Variants in ZC3H18 observed in about 807,000 individuals in gnomAD.
ZC3H18 encodes zinc finger CCCH-type containing 18.
ZC3H18 carries 8 observed loss-of-function variants against 106.1 expected under a neutral mutation model. The observed-to-expected ratio is 0.08, with a 90% CI of 0.04 to 0.14. The LOEUF is 0.14. Among genes scored for constraint, ZC3H18 ranks in the 10% least tolerant of loss-of-function variants. The pLI is 1.00. For missense variants in ZC3H18, 1,318 were observed against 1,278.4 expected (o/e 1.03, Z -0.47); for synonymous variants, 635 against 522.1 (o/e 1.22, Z -2.95).
intron 7 of ZC3H18, 84 bp from the exon 8 acceptor site, chr16:88,611,184 G>A (rs766998481): frequency 1.6e-4 from 109 of 697,450 alleles, no homozygotes; most frequent in Middle Eastern, 7.4e-4. Flanking sequence ...CAGACAGATC[G>A]CGTGGTGTTG....
At chr16:88,619,039 G>A (rs1422234802) in intron 8 of ZC3H18, among the ~76,000 whole-genome samples, 1 of 152,188 alleles carries the variant, frequency 6.6e-6, no homozygotes, top group Non-Finnish European at 1.5e-5. Flanking sequence ...GTCCCCTGGG[G>A]TGACATTCTT....
At chr16:88,628,964 G>A (rs1906495276) in intron 16 of ZC3H18, 110 bp downstream of exon 16, 1 of 1,076,082 alleles carries the variant, frequency 9.3e-7, no homozygotes, top group Non-Finnish European at 1.4e-6. Flanking sequence ...AGGGTCCAGA[G>A]AACATCTGAC....
intron 13 of ZC3H18, chr16:88,625,838 ATTT>A (rs1175357328): frequency 7.7e-5 from 8 of 104,456 alleles, no homozygotes; most frequent in African/African-American, 1.2e-4. Context: ...ACAGAAAAAG[ATTT>A]TTTTTTTTTT....
chr16:88,601,166 T>TA (rs1269621078), intron 6 of ZC3H18, among the ~76,000 whole-genome samples: 1 of 152,188 alleles, frequency 6.6e-6, no homozygotes, highest in Non-Finnish European at 1.5e-5. Context: ...GGTGAGAGCT[T>TA]AGAGGTTAAA....
At chr16:88,580,642 C>G (rs1915068724) in intron 2 of ZC3H18, among the ~76,000 whole-genome samples, 1 of 152,180 alleles carries the variant, frequency 6.6e-6, no homozygotes, top group Non-Finnish European at 1.5e-5. Context: ...GCCTCTTTCT[C>G]AGAGGCCCTG....
intron 2 of ZC3H18, among the ~76,000 whole-genome samples, chr16:88,582,512 T>C (rs940941250): frequency 2.0e-5 from 3 of 152,186 alleles, no homozygotes; most frequent in Admixed American, 2.0e-4. Flanking sequence ...AGAAGATTCT[T>C]CAGCGAGCCT....
At chr16:88,628,577 G>T (rs776200995) in intron 15 of ZC3H18, 181 bp from the exon 16 acceptor site, 43 of 632,626 alleles carry the variant, frequency 6.8e-5, no homozygotes, top group Non-Finnish European at 1.2e-4. Flanking sequence ...CAAGTGCACA[G>T]TGGGGGTGCC....
In ZC3H18 at chr16:88,598,601, C is replaced by G. The variant is rs1181577939; in HGVS notation, c.838-19C>G. Reference sequence around the variant, plus strand: ...GAAAGTTTTACTTTCTCACCTTCTCCCTTCTCGTTTTTCAATAGGGTGGGC... The same window carrying G: ...GAAAGTTTTACTTTCTCACCTTCTCGCTTCTCGTTTTTCAATAGGGTGGGC... On this transcript the variant is annotated intron_variant, in intron 4 of 17. Transcript: ENST00000301011. 1 of 1,598,302 alleles carries G rather than the reference C, an allele frequency of 6.3e-7. No individual in the cohort carries two copies. Among genetic ancestry groups the G allele is most frequent in the East Asian group, 2.3e-5 (1 of 44,410 alleles).
Position 88,607,909 on chromosome 16 carries a change from C to G in ZC3H18, c.1089-1025C>G, listed in dbSNP as rs116419654. Among the ~76,000 whole-genome samples, 210 of 152,356 alleles carry G rather than the reference C, an allele frequency of 1.4e-3. 2 individuals carry two copies. The highest frequency in any genetic ancestry group is 4.9e-3 in the African/African-American group (203 of 41,586). On this transcript the variant is annotated intron_variant, in intron 6 of 17. Coordinates refer to ENST00000301011, the MANE Select transcript of ZC3H18 (RefSeq NM_144604.4). ...TCTCAGGAATCAGCTCTGCACATTT[C>G]TGGTGAAATGTGTTGATATTTTATT...
intron 2 of ZC3H18, among the ~76,000 whole-genome samples, chr16:88,583,087 G>A (rs1182825041): frequency 2.0e-5 from 3 of 152,262 alleles, no homozygotes; most frequent in Non-Finnish European, 4.4e-5. Flanking sequence ...GGTTGGGCCC[G>A]GGGCCCGGCT....
At chr16:88,622,704 G>A in intron 9 of ZC3H18, 1 of 362,660 alleles carries the variant, frequency 2.8e-6, no homozygotes, top group Non-Finnish European at 5.1e-6. Flanking sequence ...CTGGGGCCCA[G>A]TGAGTCCATC....
chr16:88,599,252 T>C (rs1018249976), intron 5 of ZC3H18, among the ~76,000 whole-genome samples: 2 of 152,228 alleles, frequency 1.3e-5, no homozygotes, highest in Non-Finnish European at 2.9e-5. Context: ...ACTCAGTGTC[T>C]GCTCTTCCTG....
intron 6 of ZC3H18, among the ~76,000 whole-genome samples, chr16:88,603,684 GC>G (rs1402430279): frequency 6.7e-6 from 1 of 148,780 alleles, no homozygotes; most frequent in Non-Finnish European, 1.5e-5. Flanking sequence ...GTGCAGTGGC[GC>G]AATCTGGGCT....
intron 7 of ZC3H18, 52 bp downstream of exon 7, chr16:88,609,103 G>GTTA (rs1473197523): frequency 1.4e-6 from 2 of 1,435,924 alleles, no homozygotes; most frequent in Non-Finnish European, 1.9e-6. Flanking sequence ...GTTCATTCAA[G>GTTA]TTATCCCTTT....
intron 1 of ZC3H18, among the ~76,000 whole-genome samples, chr16:88,572,582 G>A (rs1914480309): frequency 6.6e-6 from 1 of 151,992 alleles, no homozygotes; most frequent in Non-Finnish European, 1.5e-5. Context: ...TGGATCAGAG[G>A]ACTAAGGATT....
At chr16:88,601,205 A>C (rs1277982183) in intron 6 of ZC3H18, among the ~76,000 whole-genome samples, 1 of 152,264 alleles carries the variant, frequency 6.6e-6, no homozygotes, top group Non-Finnish European at 1.5e-5. Context: ...CTTGGTTAAC[A>C]TGTACATTTT....
chr16:88,575,380 G>A (rs1022173896), intron 1 of ZC3H18, among the ~76,000 whole-genome samples: 4 of 151,970 alleles, frequency 2.6e-5, no homozygotes, highest in African/African-American at 7.2e-5. Flanking sequence ...AGACCTTGCC[G>A]AGATGCCGAG....
At chr16:88,613,464 C>T (rs1052200869) in intron 8 of ZC3H18, among the ~76,000 whole-genome samples, 3 of 152,164 alleles carry the variant, frequency 2.0e-5, no homozygotes, top group African/African-American at 7.2e-5. Context: ...TTCCCGCTAG[C>T]CGCATAGGAG....
rs901383101 is a variant in ZC3H18, at chr16:88,571,556, G to C, written c.-15+990G>C. ...CTATCTAAGGGCAGTATGGAGCCCA[G>C]CCAGCCCTGGAACCAGTCAAATGTG... On this transcript the variant is annotated intron_variant, in intron 1 of 17. Transcript: ENST00000301011. 3.2e-6 allele frequency: 3 copies of C among 930,750 alleles called. No individual in the cohort carries two copies. In the African/African-American group the frequency reaches 5.3e-5, roughly 17 times the overall value. 57.7% of individuals were successfully genotyped at this position (930,750 alleles called of 1,614,324 possible). A position where few individuals can be genotyped will look rare whatever the true frequency, so the allele number is the denominator to read the frequency against.
Sources: gnomAD v4.1 joint callset for allele counts (sites outside exome capture counted in the v4.1 genomes callset) on GRCh38, gnomAD v4.1.1 for gene constraint, MANE v1.5 for transcripts, NCBI Gene and HGNC (gene_info 2026-07-23, HGNC 2026-07-21) for gene names.